Variants in SOD2 observed in about 807,000 individuals in gnomAD.
SOD2 encodes the protein superoxide dismutase 2.
A neutral mutation model predicts 27.0 loss-of-function variants in SOD2; 11 were observed. The observed-to-expected ratio is 0.41, with a 90% CI of 0.26 to 0.67. The LOEUF is 0.67. Among genes scored for constraint, SOD2 ranks in the 30% least tolerant of loss-of-function variants. The pLI, the probability that SOD2 is intolerant of heterozygous loss-of-function variation, is 0.34. For synonymous variants in SOD2, 105 were observed against 103.0 expected, an observed-to-expected ratio of 1.02 and a Z score of -0.12; for missense variants, 250 against 274.5, an observed-to-expected ratio of 0.91 and a Z score of 0.63.
chr6:159,754,883 C>A, intron 1 of SOD2: 1 of 928,648 alleles, frequency 1.1e-6, no homozygotes, highest in East Asian at 2.8e-5. Context: ...AGATTCCAAG[C>A]AAAATTTTTA....
chr6:159,692,201 A>G (rs1414401716), intron 2 of SOD2: 5 of 323,660 alleles, frequency 1.5e-5, no homozygotes, highest in Non-Finnish European at 2.8e-5. Flanking sequence ...GGACCCGATG[A>G]TGTCTGGCCA....
chr6:159,750,351 G>T (rs1167652903), intron 1 of SOD2, among the ~76,000 whole-genome samples: 1 of 151,934 alleles, frequency 6.6e-6, no homozygotes, highest in Non-Finnish European at 1.5e-5. Context: ...GAGTTCTATG[G>T]TTTTTTTCTT....
At chr6:159,736,958 C>T (rs1562455893) in intron 1 of SOD2, among the ~76,000 whole-genome samples, 1 of 152,126 alleles carries the variant, frequency 6.6e-6, no homozygotes, top group South Asian at 2.1e-4. Flanking sequence ...CAGAAGTTTC[C>T]TATTGTGGAG....
chr6:159,722,370 C>A (rs756119016), intron 1 of SOD2, among the ~76,000 whole-genome samples: 1 of 152,154 alleles, frequency 6.6e-6, no homozygotes, highest in Non-Finnish European at 1.5e-5. Flanking sequence ...GATGACAGAG[C>A]AAGACTCTGT....
chr6:159,732,425 G>A (rs1340790777), intron 1 of SOD2, among the ~76,000 whole-genome samples: 3 of 152,182 alleles, frequency 2.0e-5, no homozygotes, highest in Admixed American at 2.0e-4. Context: ...GTTACGTGAA[G>A]TTCCTGGTTG....
At chr6:159,733,785 G>A (rs1326485738) in intron 1 of SOD2, among the ~76,000 whole-genome samples, 2 of 151,680 alleles carry the variant, frequency 1.3e-5, no homozygotes, top group East Asian at 2.0e-4. Context: ...GCGTGGTGGC[G>A]CATGCCTGTA....
intron 1 of SOD2, among the ~76,000 whole-genome samples, chr6:159,739,513 T>C (rs1054528051): frequency 6.6e-6 from 1 of 152,232 alleles, no homozygotes; most frequent in African/African-American, 2.4e-5. Flanking sequence ...TCTGCGGTTA[T>C]CTTGTAAATG....
At chr6:159,699,500 G>A (rs532818559) in intron 1 of SOD2, among the ~76,000 whole-genome samples, 1 of 151,768 alleles carries the variant, frequency 6.6e-6, no homozygotes, top group African/African-American at 2.4e-5. Context: ...AGGACTTCCT[G>A]CAACATCCTG....
chr6:159,752,484 A>G (rs1214071032), intron 1 of SOD2, among the ~76,000 whole-genome samples: 2 of 152,186 alleles, frequency 1.3e-5, no homozygotes, highest in African/African-American at 4.8e-5. Context: ...TGCAATTGCT[A>G]TGTATGTGCA....
chr6:159,736,857 TAA>T (rs1466448591), intron 1 of SOD2: 2 of 152,198 alleles, frequency 1.3e-5, no homozygotes, highest in African/African-American at 2.4e-5. Flanking sequence ...GTGGCTGTTA[TAA>T]AAGAGGTAAC....
chr6:159,725,032 T>A (rs1304460307), intron 1 of SOD2, among the ~76,000 whole-genome samples: 1 of 152,092 alleles, frequency 6.6e-6, no homozygotes, highest in African/African-American at 2.4e-5. Flanking sequence ...AAAACACACC[T>A]ACACAAAGAA....
At chr6:159,689,728 G>C (rs1780360655) in intron 2 of SOD2, among the ~76,000 whole-genome samples, 1 of 152,114 alleles carries the variant, frequency 6.6e-6, no homozygotes, top group Non-Finnish European at 1.5e-5. Context: ...GGGAAGCCGA[G>C]GCGGGCAGCT....
In SOD2 at chr6:159,713,478, C is replaced by T. The variant is rs563618704; in HGVS notation, c.-116+13651G>A. 3 of 661,498 alleles carry T rather than the reference C, an allele frequency of 4.5e-6. No homozygotes were observed. In the East Asian group the frequency reaches 7.8e-5, roughly 17 times the overall value. The allele number at this position is 661,498 out of a possible 1,614,324, so 41.0% of individuals were successfully genotyped here. A position where few individuals can be genotyped will look rare whatever the true frequency, so the allele number is the denominator to read the frequency against. The stretch of plus-strand genomic sequence containing the variant: ...CAATGTACCTGTGCCCTATTCTTTC[C>T]CTGTGTTTCTTCAATGCCGTCTCAG... On this transcript the variant is annotated intron_variant, in intron 1 of 2. Transcript: ENST00000401980.
intron 1 of SOD2, chr6:159,714,097 A>C (rs1777881548): frequency 1.7e-6 from 1 of 576,666 alleles, no homozygotes. Flanking sequence ...GACAAGCAGA[A>C]CTACTTCTGC....
At chr6:159,705,165 T>C (rs1777598581) in intron 1 of SOD2, among the ~76,000 whole-genome samples, 1 of 151,890 alleles carries the variant, frequency 6.6e-6, no homozygotes, top group Admixed American at 6.6e-5. Context: ...ACCACAAAGA[T>C]GGGGAAAAAA....
In SOD2 at chr6:159,673,785, T is replaced by C. The variant is rs1044212472; in HGVS notation, c.*8708A>G. The C allele has an allele frequency of 1.8e-4, 27 of 152,088 alleles. No individual in the cohort carries two copies. The highest frequency in any genetic ancestry group is 1.8e-3 in the Admixed American group (27 of 15,262). The allele number at this position is 152,088 out of a possible 1,614,324, so 9.4% of individuals were successfully genotyped here. A position where few individuals can be genotyped will look rare whatever the true frequency, so the allele number is the denominator to read the frequency against. On this transcript the variant is annotated 3_prime_UTR_variant, in exon 5 of 5. Transcript: ENST00000538183. Reference sequence around the variant, plus strand: ...AAGGAGACAGAGACACAAAAAAACCTTCAAAAAATGAATGAATCCAGGAGC... The same window carrying C: ...AAGGAGACAGAGACACAAAAAAACCCTCAAAAAATGAATGAATCCAGGAGC...
chr6:159,700,934 C>T (rs1192893701), intron 1 of SOD2, among the ~76,000 whole-genome samples: 2 of 152,118 alleles, frequency 1.3e-5, no homozygotes, highest in Admixed American at 6.6e-5. Context: ...CCCTGGAACA[C>T]AATGTAGGAT....
At chr6:159,753,325 A>ACAC in intron 1 of SOD2, 1 of 1,247,060 alleles carries the variant, frequency 8.0e-7, no homozygotes, top group East Asian at 2.5e-5. Flanking sequence ...CCCAGAAAAG[A>ACAC]AGATGGTAAT....
At chr6:159,724,644 AG>A (rs1778105004) in intron 1 of SOD2, among the ~76,000 whole-genome samples, 1 of 152,080 alleles carries the variant, frequency 6.6e-6, no homozygotes, top group Non-Finnish European at 1.5e-5. Flanking sequence ...GGATCACTTG[AG>A]CCCAGGAGTT....
Sources: gnomAD v4.1 joint callset for allele counts (sites outside exome capture counted in the v4.1 genomes callset) on GRCh38, gnomAD v4.1.1 for gene constraint, MANE v1.5 for transcripts, NCBI Gene and HGNC (gene_info 2026-07-23, HGNC 2026-07-21) for gene names.